WDR88: variants seen among roughly 807,000 people sequenced by gnomAD.
WDR88 encodes WD repeat domain 88, also known as WD repeat-containing protein 88.
A neutral mutation model predicts 46.8 loss-of-function variants in WDR88; 40 were observed. The ratio of observed to expected loss-of-function variants is 0.86; its 90% CI spans 0.66 to 1.11. The LOEUF is 1.11. WDR88 is among the 50% of genes most tolerant of loss of function. WDR88 has a pLI of 0.00. For missense variants in WDR88, 562 were observed against 602.4 expected (o/e 0.93, Z 0.70); for synonymous variants, 235 against 240.7 (o/e 0.98, Z 0.22).
At chr19:33,149,360 CA>C (rs932059477) in intron 5 of WDR88, among the ~76,000 whole-genome samples, 2 of 152,014 alleles carry the variant, frequency 1.3e-5, no homozygotes, top group Non-Finnish European at 1.5e-5. Flanking sequence ...AACAAACAAA[CA>C]AAAAAACACA....
At chr19:33,172,885 T>C (rs1014141638) in intron 10 of WDR88, among the ~76,000 whole-genome samples, 11 of 151,186 alleles carry the variant, frequency 7.3e-5, no homozygotes, top group African/African-American at 2.4e-4. Context: ...AGGTCAGGAG[T>C]TCGAGACCAG....
chr19:33,157,124 G>A (rs1395161732), intron 7 of WDR88, among the ~76,000 whole-genome samples: 2 of 151,906 alleles, frequency 1.3e-5, no homozygotes, highest in East Asian at 3.9e-4. Context: ...TTGAGCCCAG[G>A]AGTTTGAGGC....
At chr19:33,173,919 C>G (rs933734891) in intron 10 of WDR88, among the ~76,000 whole-genome samples, 1 of 152,154 alleles carries the variant, frequency 6.6e-6, no homozygotes, top group Non-Finnish European at 1.5e-5. Flanking sequence ...GGCGCGATCT[C>G]GTCTCACTGC....
At position 33,172,384 on chromosome 19, in the gene WDR88, G is replaced by A; in HGVS notation, c.1186G>A (p.Asp396Asn). The change falls in exon 10 of 11, where the codon GAT becomes AAT. Residue 396 changes from aspartate (D) to asparagine (N), a missense_variant. Physicochemically the swap from Asp to Asn is conservative, Grantham distance 23 (BLOSUM62 1). Coordinates refer to ENST00000355868, the MANE Select transcript of WDR88 (RefSeq NM_173479.4). ...GAGACTGTGGAATATTGAAGAAATT[G>A]ATGAAATTCCTTTGGTAATCAAGTA... ...TMRLWNIEEI[D>N]EIPLVIKYKK... 4 of 1,614,040 alleles carry A rather than the reference G, an allele frequency of 2.5e-6. No homozygotes were observed. The highest frequency in any genetic ancestry group is 3.4e-6 in the Non-Finnish European group (4 of 1,179,978).
intron 8 of WDR88, among the ~76,000 whole-genome samples, chr19:33,163,524 A>AAAC (rs542178275): frequency 6.6e-6 from 1 of 152,138 alleles, no homozygotes; most frequent in Admixed American, 6.6e-5. Context: ...AAACCCCAAA[A>AAAC]AACAACAACA....
chr19:33,156,651 G>C, intron 7 of WDR88, 109 bp downstream of exon 7: 5 of 1,289,276 alleles, frequency 3.9e-6, no homozygotes, highest in Non-Finnish European at 5.2e-6. Flanking sequence ...TGCTGACAGG[G>C]AGGGCGGATT....
Position 33,156,465 on chromosome 19 carries a change from T to G in WDR88, c.920T>G (p.Phe307Cys), listed in dbSNP as rs1193023525. 1.2e-6 allele frequency: 2 copies of G among 1,614,022 alleles called. No homozygotes were observed. Among genetic ancestry groups the G allele is most frequent in the Non-Finnish European group, 1.7e-6 (2 of 1,180,036 alleles). Residue 307 changes from phenylalanine to cysteine, a missense_variant, in exon 7 of 11, where the codon TTT becomes TGT. Coordinates refer to ENST00000355868, the MANE Select transcript of WDR88 (RefSeq NM_173479.4). Reference sequence around the variant, plus strand: ...ATATGGAACGTCCACACAGGGGAGTTTCGAAACTGTGGAGCCTGTGTGACT... The same window carrying G: ...ATATGGAACGTCCACACAGGGGAGTGTCGAAACTGTGGAGCCTGTGTGACT... ...LKIWNVHTGE[F>C]RNCGACVTLM... is the part of the protein sequence containing the mutation.
intron 6 of WDR88, among the ~76,000 whole-genome samples, chr19:33,152,013 C>A (rs1973644191): frequency 6.6e-6 from 1 of 152,024 alleles, no homozygotes; most frequent in Admixed American, 6.6e-5. Context: ...GGGCGGATCA[C>A]CTGAGGTCAG....
intron 7 of WDR88, among the ~76,000 whole-genome samples, chr19:33,157,667 ATGTGTGTG>A (rs1211109483): frequency 1.1e-5 from 1 of 95,166 alleles, no homozygotes; most frequent in African/African-American, 4.0e-5. Flanking sequence ...ATATGTATGT[ATGTGTGTG>A]TGTGTATGTA....
At chr19:33,141,882 T>C (rs1486692490) in intron 2 of WDR88, among the ~76,000 whole-genome samples, 1 of 152,152 alleles carries the variant, frequency 6.6e-6, no homozygotes, top group East Asian at 1.9e-4. Context: ...GGTTTCATCA[T>C]GTTGGCCAGG....
chr19:33,147,733 C>A, intron 4 of WDR88, 25 bp downstream of exon 4: 2 of 1,611,562 alleles, frequency 1.2e-6, no homozygotes, highest in Non-Finnish European at 1.7e-6. Flanking sequence ...CCAGTGGGGG[C>A]GTTGGTTGCA....
chr19:33,145,410 A>G (rs867356653), intron 3 of WDR88, among the ~76,000 whole-genome samples: 22 of 152,048 alleles, frequency 1.4e-4, no homozygotes, highest in African/African-American at 5.3e-4. Context: ...TTGGCATCCC[A>G]AAGTGCTGGA....
At chr19:33,140,543 A>T (rs1279421107) in intron 2 of WDR88, among the ~76,000 whole-genome samples, 1 of 152,184 alleles carries the variant, frequency 6.6e-6, no homozygotes, top group South Asian at 2.1e-4. Flanking sequence ...TAATCCCAGC[A>T]CTTTGGGAGG....
At chr19:33,138,706 CAG>C (rs1973329478) in intron 2 of WDR88, among the ~76,000 whole-genome samples, 1 of 126,364 alleles carries the variant, frequency 7.9e-6, no homozygotes, top group Non-Finnish European at 1.6e-5. Context: ...TTTTTTGAGA[CAG>C]AGTCTTGCTC....
At position 33,163,053 on chromosome 19, in the gene WDR88, G is replaced by A. The variant is rs139713868; in HGVS notation, c.1081-1144G>A. Among the ~76,000 whole-genome samples, 741 of 152,176 alleles carry A rather than the reference G, an allele frequency of 4.9e-3. 5 individuals carry two copies. The highest frequency in any genetic ancestry group is 0.027 in the Middle Eastern group (8 of 294). Reference sequence around the variant, plus strand: ...TCTCTATTAAAAATACAAACATTAGGTGGGGTGTGGTGGCTCACGCCTGTA... The same window carrying A: ...TCTCTATTAAAAATACAAACATTAGATGGGGTGTGGTGGCTCACGCCTGTA... On this transcript the variant is annotated intron_variant, in intron 8 of 10. Coordinates refer to ENST00000355868, the MANE Select transcript of WDR88 (RefSeq NM_173479.4).
rs1048528064 is a variant in WDR88, at chr19:33,174,312, C to A, written c.1243-1084C>A. ...CCTGCCCCAGGTAGGGTTTACCCCCCTCTCCAGCAGGCCTCAGTGTCCTGG... is the reference window on the plus strand; with the variant it reads ...CCTGCCCCAGGTAGGGTTTACCCCCATCTCCAGCAGGCCTCAGTGTCCTGG... On this transcript the variant is annotated intron_variant, in intron 10 of 10. Coordinates refer to ENST00000355868, the MANE Select transcript of WDR88 (RefSeq NM_173479.4). The A allele has an allele frequency of 1.1e-5, 16 of 1,521,850 alleles. No individual in the cohort carries two copies. In the African/African-American group the frequency reaches 1.1e-4, roughly 10 times the overall value. The allele number at this position is 1,521,850 out of a possible 1,614,324, so 94.3% of individuals were successfully genotyped here.
intron 10 of WDR88, among the ~76,000 whole-genome samples, chr19:33,173,435 G>A (rs1349498109): frequency 1.3e-5 from 2 of 152,260 alleles, no homozygotes; most frequent in African/African-American, 2.4e-5. Flanking sequence ...CACAGAGGCT[G>A]TCCCTGGGCA....
rs1257735705 is a variant in WDR88 at position 33,149,322 on chromosome 19, A to AAACAAACAAACAAACAAAC, written c.679+414_679+415insCAAACAAACAAACAAACAA. On this transcript the variant is annotated intron_variant, in intron 5 of 10. Coordinates refer to ENST00000355868, the MANE Select transcript of WDR88 (RefSeq NM_173479.4). ...GGCAGACAGAGTGAGACTCCATCTC[A>AAACAAACAAACAAACAAAC]AAAAAACAAACAAACAAACAAAAAA... Among the ~76,000 whole-genome samples the AAACAAACAAACAAACAAAC allele has an allele frequency of 5.7e-3, 757 of 133,846 alleles. 13 individuals carry two copies. Among genetic ancestry groups the AAACAAACAAACAAACAAAC allele is most frequent in the African/African-American group, 0.025 (702 of 28,238 alleles). The allele number at this position is 133,846 out of a possible 152,430, so 87.8% of individuals were successfully genotyped here.
chr19:33,151,414 G>A (rs1363797658), intron 6 of WDR88, 104 bp downstream of exon 6: 1 of 1,435,768 alleles, frequency 7.0e-7, no homozygotes, highest in African/African-American at 1.4e-5. Context: ...CACGTCTGTA[G>A]CTTGGTCATA....
Sources: gnomAD v4.1 joint callset for allele counts (sites outside exome capture counted in the v4.1 genomes callset) on GRCh38, gnomAD v4.1.1 for gene constraint, MANE v1.5 for transcripts, NCBI Gene and HGNC (gene_info 2026-07-23, HGNC 2026-07-21) for gene names.